The following MLLT3 variants were observed in gnomAD, a reference collection of about 807,000 sequenced individuals.
MLLT3 encodes MLLT3 super elongation complex subunit.
A neutral mutation model predicts 53.2 loss-of-function variants in MLLT3; 4 were observed. The observed-to-expected ratio is 0.08, with a 90% CI of 0.04 to 0.17. The LOEUF is 0.17. Ranked by LOEUF, MLLT3 falls within the 10% of genes least tolerant of loss-of-function variation. The pLI, the probability that MLLT3 is intolerant of heterozygous loss-of-function variation, is 1.00. For synonymous variants in MLLT3, 283 were observed against 230.6 expected, an observed-to-expected ratio of 1.23 and a Z score of -2.06; for missense variants, 569 against 684.0, an observed-to-expected ratio of 0.83 and a Z score of 1.87.
At chr9:20,590,050 C>T (rs746020910) in intron 2 of MLLT3, among the ~76,000 whole-genome samples, 3 of 152,112 alleles carry the variant, frequency 2.0e-5, no homozygotes, top group Non-Finnish European at 2.9e-5. Flanking sequence ...CAGGAGAAGC[C>T]ATTCTGTGGA....
intron 2 of MLLT3, among the ~76,000 whole-genome samples, chr9:20,545,874 A>AT (rs945258343): frequency 1.3e-5 from 2 of 150,918 alleles, no homozygotes; most frequent in East Asian, 3.9e-4. Context: ...AAAAAAAAAA[A>AT]AAAATTAAAA....
At chr9:20,483,651 A>G (rs1007441644) in intron 2 of MLLT3, among the ~76,000 whole-genome samples, 2 of 151,364 alleles carry the variant, frequency 1.3e-5, no homozygotes, top group Non-Finnish European at 2.9e-5. Context: ...TGTAAGACTC[A>G]ATATGACTTG....
intron 4 of MLLT3, among the ~76,000 whole-genome samples, chr9:20,421,566 T>G (rs376732210): frequency 6.6e-6 from 1 of 152,094 alleles, no homozygotes; most frequent in Non-Finnish European, 1.5e-5. Context: ...CCAACATCAG[T>G]GCTTTAATTA....
chr9:20,534,560 C>G (rs567258605), intron 2 of MLLT3, among the ~76,000 whole-genome samples: 4 of 152,292 alleles, frequency 2.6e-5, no homozygotes, highest in Admixed American at 1.3e-4. Context: ...CTATTCTCCT[C>G]AATAAGCACA....
chr9:20,531,491 T>C (rs1003057497), intron 2 of MLLT3, among the ~76,000 whole-genome samples: 6 of 152,208 alleles, frequency 3.9e-5, no homozygotes, highest in Non-Finnish European at 7.3e-5. Flanking sequence ...CCACTTGCCT[T>C]TGTTTTAATT....
chr9:20,434,065 G>A (rs1439124907), intron 4 of MLLT3, among the ~76,000 whole-genome samples: 1 of 152,092 alleles, frequency 6.6e-6, no homozygotes, highest in Non-Finnish European at 1.5e-5. Context: ...AGGTTGCAGT[G>A]AGCCAAGACG....
At chr9:20,608,582 C>T (rs756744032) in intron 2 of MLLT3, among the ~76,000 whole-genome samples, 4 of 151,818 alleles carry the variant, frequency 2.6e-5, no homozygotes, top group African/African-American at 4.8e-5. Flanking sequence ...TTAAAGCTTA[C>T]GATCAACTTA....
intron 2 of MLLT3, among the ~76,000 whole-genome samples, chr9:20,509,810 T>A (rs1403190307): frequency 3.9e-5 from 6 of 152,120 alleles, no homozygotes; most frequent in African/African-American, 1.2e-4. Flanking sequence ...AATGATTAAC[T>A]AAGTTTTATT....
At chr9:20,473,110 G>C (rs1225247510) in intron 2 of MLLT3, among the ~76,000 whole-genome samples, 1 of 152,062 alleles carries the variant, frequency 6.6e-6, no homozygotes, top group Admixed American at 6.6e-5. Flanking sequence ...TCTTCCAGGA[G>C]ATTCCGATGC....
chr9:20,597,178 C>G (rs1168337251), intron 2 of MLLT3, among the ~76,000 whole-genome samples: 1 of 151,916 alleles, frequency 6.6e-6, no homozygotes, highest in African/African-American at 2.4e-5. Context: ...GGGGATAGTA[C>G]AGGTAGTACC....
chr9:20,458,377 T>A (rs893435485), intron 2 of MLLT3, among the ~76,000 whole-genome samples: 1 of 152,210 alleles, frequency 6.6e-6, no homozygotes, highest in African/African-American at 2.4e-5. Context: ...TACCAATCCA[T>A]GATCCTCCTC....
At chr9:20,384,035 T>C (rs1821970071) in intron 5 of MLLT3, among the ~76,000 whole-genome samples, 1 of 152,024 alleles carries the variant, frequency 6.6e-6, no homozygotes, top group Non-Finnish European at 1.5e-5. Flanking sequence ...AGTTTTTCCT[T>C]TTGCAGAAAA....
intron 2 of MLLT3, among the ~76,000 whole-genome samples, chr9:20,582,522 AT>A (rs1456762186): frequency 6.6e-6 from 1 of 152,128 alleles, no homozygotes; most frequent in Non-Finnish European, 1.5e-5. Context: ...GCTTCTTTCA[AT>A]TGGCAATATG....
intron 2 of MLLT3, among the ~76,000 whole-genome samples, chr9:20,564,666 G>A (rs1455593940): frequency 6.6e-6 from 1 of 152,160 alleles, no homozygotes; most frequent in African/African-American, 2.4e-5. Context: ...GGCAAAAGGG[G>A]AGTAAAGTTC....
chr9:20,551,098 G>GA lies in MLLT3; in HGVS notation c.193+69555dup, dbSNP rs1818915916. 2.0e-5 allele frequency among the ~76,000 whole-genome samples: 3 copies of GA among 152,168 alleles called. No individual in the cohort carries two copies. The South Asian group carries it at 6.2e-4, about 32-fold the overall frequency. On this transcript the variant is annotated intron_variant, in intron 2 of 10. Transcript: ENST00000380338. ...TCTTTAAATGGCCAATTCGGCTGAGGAAAAAAATACTCATCGTGAAAATCA... is the reference window on the plus strand; with the variant it reads ...TCTTTAAATGGCCAATTCGGCTGAGGAAAAAAAATACTCATCGTGAAAATCA...
Position 20,621,660 on chromosome 9 carries a change from C to A in MLLT3, c.12+585G>T. 1 of 1,077,668 alleles carries A rather than the reference C, an allele frequency of 9.3e-7. No individual in the cohort carries two copies. The highest frequency in any genetic ancestry group is 1.7e-5 in the South Asian group (1 of 60,164). 66.8% of individuals were successfully genotyped at this position (1,077,668 alleles called of 1,614,324 possible). A position where few individuals can be genotyped will look rare whatever the true frequency, so the allele number is the denominator to read the frequency against. On this transcript the variant is annotated intron_variant, in intron 1 of 10. Transcript: ENST00000380338. This position sits in a 1 kb window ranked among gnomAD's most constrained non-coding sequence, Gnocchi z 7.0. ...GGCAGGGCGGCGGGCGGACAGCCGC[C>A]GAGCCTCGGCTCGCGCTCAGCACCT...
At chr9:20,514,509 T>G (rs905382158) in intron 2 of MLLT3, among the ~76,000 whole-genome samples, 5 of 151,348 alleles carry the variant, frequency 3.3e-5, no homozygotes, top group African/African-American at 1.2e-4. Flanking sequence ...GTTTTTATTA[T>G]TTTTTTATTT....
chr9:20,559,788 C>G (rs1248048518), intron 2 of MLLT3, among the ~76,000 whole-genome samples: 1 of 152,144 alleles, frequency 6.6e-6, no homozygotes, highest in Non-Finnish European at 1.5e-5. Flanking sequence ...ATGGAATAGT[C>G]ACTCCTGAAT....
At chr9:20,529,724 C>CTTTTTTTTTTTTTTTTTT (rs5896896) in intron 2 of MLLT3, among the ~76,000 whole-genome samples, 1 of 76,410 alleles carries the variant, frequency 1.3e-5, no homozygotes, top group African/African-American at 5.3e-5. Flanking sequence ...TAATCCAATC[C>CTTTTTTTTTTTTTTTTTT]TTTTTTTTTT....
Sources: gnomAD v4.1 joint callset for allele counts (sites outside exome capture counted in the v4.1 genomes callset) on GRCh38, gnomAD v4.1.1 for gene constraint, Gnocchi (gnomAD v3.1) non-coding constraint, MANE v1.5 for transcripts, NCBI Gene and HGNC (gene_info 2026-07-23, HGNC 2026-07-21) for gene names.